Variants in NDST4 observed in about 807,000 individuals in gnomAD.
NDST4 encodes N-deacetylase and N-sulfotransferase 4, also known as N-heparan sulfate sulfotransferase 4.
NDST4 carries 63 observed loss-of-function variants against 100.8 expected under a neutral mutation model. The ratio of observed to expected loss-of-function variants is 0.62; its 90% CI spans 0.51 to 0.77. NDST4 has a LOEUF of 0.77. Ranked by LOEUF, NDST4 falls within the 30% of genes least tolerant of loss-of-function variation. NDST4 has a pLI of 0.00. For synonymous variants in NDST4, 377 were observed against 361.8 expected, an observed-to-expected ratio of 1.04 and a Z score of -0.48; for missense variants, 943 against 1,018.4, an observed-to-expected ratio of 0.93 and a Z score of 1.01.
intron 2 of NDST4, among the ~76,000 whole-genome samples, chr4:114,978,602 A>C (rs949148047): frequency 3.9e-5 from 6 of 152,070 alleles, no homozygotes; most frequent in Non-Finnish European, 8.8e-5. Context: ...GTTGAGATAA[A>C]AAGTGCATTG....
chr4:115,103,165 A>G (rs1019904763), intron 1 of NDST4, among the ~76,000 whole-genome samples: 4 of 152,188 alleles, frequency 2.6e-5, no homozygotes, highest in Admixed American at 6.5e-5. Flanking sequence ...TCAAGAAAGT[A>G]TCTATGTGAC....
intron 2 of NDST4, among the ~76,000 whole-genome samples, chr4:114,987,854 T>A (rs949156512): frequency 6.6e-6 from 1 of 152,212 alleles, no homozygotes; most frequent in Admixed American, 6.5e-5. Context: ...TAAGTGAATG[T>A]CTGATCATGG....
chr4:114,955,704 T>C (rs897137963), intron 4 of NDST4, among the ~76,000 whole-genome samples: 3 of 152,122 alleles, frequency 2.0e-5, no homozygotes, highest in Non-Finnish European at 4.4e-5. Flanking sequence ...ACATTAAAAA[T>C]ATCTGGAAAG....
chr4:114,994,524 G>A (rs1727118321), intron 2 of NDST4, among the ~76,000 whole-genome samples: 1 of 151,954 alleles, frequency 6.6e-6, no homozygotes, highest in Admixed American at 6.6e-5. Context: ...GAAACTGATG[G>A]AAATCAGTTA....
intron 1 of NDST4, among the ~76,000 whole-genome samples, chr4:115,102,285 A>T (rs1578522525): frequency 6.6e-6 from 1 of 152,276 alleles, no homozygotes; most frequent in East Asian, 1.9e-4. Flanking sequence ...CAGGCAAAAA[A>T]ACTATAAGAT....
intron 1 of NDST4, among the ~76,000 whole-genome samples, chr4:115,103,148 C>T (rs1729766927): frequency 6.6e-6 from 1 of 152,056 alleles, no homozygotes; most frequent in Non-Finnish European, 1.5e-5. Context: ...ATTATGTTAC[C>T]TTTCTATCAA....
rs1729204714 is a variant in NDST4, at chr4:115,077,071, T to G, written c.-35A>C. ...TAATGTTTTGGAAGCTTTTTCCCAA[T>G]TTCGTTTCCTAAAGTGCCATAGTGA... On this transcript the variant is annotated 5_prime_UTR_variant, in exon 2 of 14. Coordinates refer to ENST00000264363, the MANE Select transcript of NDST4 (RefSeq NM_022569.3). 1 of 1,544,390 alleles carries G rather than the reference T, an allele frequency of 6.5e-7. No homozygotes were observed. Among genetic ancestry groups the G allele is most frequent in the Non-Finnish European group, 8.7e-7 (1 of 1,149,124 alleles).
intron 4 of NDST4, among the ~76,000 whole-genome samples, chr4:114,939,130 C>T (rs1160428224): frequency 6.6e-6 from 1 of 152,116 alleles, no homozygotes. Context: ...CAGGTTTCTT[C>T]CATGCTCGCC....
At chr4:115,072,922 A>G (rs1441241506) in intron 2 of NDST4, among the ~76,000 whole-genome samples, 1 of 152,022 alleles carries the variant, frequency 6.6e-6, no homozygotes, top group Non-Finnish European at 1.5e-5. Flanking sequence ...TTGGCAAACT[A>G]TACATCTGGT....
intron 4 of NDST4, among the ~76,000 whole-genome samples, chr4:114,946,887 C>T (rs1416290258): frequency 1.3e-5 from 2 of 151,760 alleles, no homozygotes; most frequent in Non-Finnish European, 2.9e-5. Context: ...AAATTAAAAT[C>T]GTGGCTACTA....
At chr4:115,104,236 C>T (rs1729792737) in intron 1 of NDST4, among the ~76,000 whole-genome samples, 1 of 152,028 alleles carries the variant, frequency 6.6e-6, no homozygotes, top group Admixed American at 6.6e-5. Flanking sequence ...TACTTTCAGC[C>T]TGGGTTAACA....
At chr4:114,886,174 G>A (rs972290450) in intron 6 of NDST4, among the ~76,000 whole-genome samples, 27 of 152,104 alleles carry the variant, frequency 1.8e-4, no homozygotes, top group East Asian at 7.7e-4. Flanking sequence ...CAAAGAAAAC[G>A]TGCCTGTTAA....
intron 6 of NDST4, among the ~76,000 whole-genome samples, chr4:114,884,548 TGTG>T (rs1724437892): frequency 6.6e-6 from 1 of 152,148 alleles, no homozygotes. Context: ...TCTACAGTGA[TGTG>T]GTACCTTTAA....
chr4:115,113,094 T>C (rs1272231063), intron 1 of NDST4, among the ~76,000 whole-genome samples: 1 of 151,938 alleles, frequency 6.6e-6, no homozygotes, highest in East Asian at 1.9e-4. Context: ...GGATGTTGAG[T>C]TTGTAAAATT....
At chr4:114,855,108 G>A (rs1723764349) in intron 7 of NDST4, among the ~76,000 whole-genome samples, 1 of 151,858 alleles carries the variant, frequency 6.6e-6, no homozygotes, top group African/African-American at 2.4e-5. Flanking sequence ...CAGATCCTTT[G>A]CCCATTTTTA....
intron 2 of NDST4, among the ~76,000 whole-genome samples, chr4:115,029,032 T>C (rs1234162305): frequency 1.3e-5 from 2 of 152,076 alleles, no homozygotes; most frequent in African/African-American, 4.8e-5. Context: ...AAAATAATTC[T>C]ATGTAGAAAG....
At chr4:114,991,508 GACACAGCATGTGATATAGGAAT>G (rs1274303052) in intron 2 of NDST4, among the ~76,000 whole-genome samples, 2 of 152,144 alleles carry the variant, frequency 1.3e-5, no homozygotes, top group East Asian at 3.9e-4. Flanking sequence ...AGGGTATGTG[GACACAGCATGTGATATAGGAAT>G]ACACATTGTA....
intron 7 of NDST4, among the ~76,000 whole-genome samples, chr4:114,868,430 G>C (rs1392745238): frequency 6.6e-6 from 1 of 152,048 alleles, no homozygotes; most frequent in Non-Finnish European, 1.5e-5. Context: ...CACCAGGGAA[G>C]TGAACTAGTA....
At chr4:114,994,175 G>A (rs561810427) in intron 2 of NDST4, among the ~76,000 whole-genome samples, 3 of 151,952 alleles carry the variant, frequency 2.0e-5, no homozygotes, top group African/African-American at 7.2e-5. Flanking sequence ...AAATAATAAA[G>A]TAACTGTTCT....
Sources: allele counts gnomAD v4.1 joint callset (sites outside exome capture counted in the v4.1 genomes callset), GRCh38; gene constraint gnomAD v4.1.1; transcripts MANE v1.5; gene names NCBI Gene and HGNC (gene_info 2026-07-23, HGNC 2026-07-21).